GARRE1: variants seen among roughly 807,000 people sequenced by gnomAD.
GARRE1 encodes the protein granule associated Rac and RHOG effector protein 1.
GARRE1 carries 49 observed loss-of-function variants against 103.2 expected under a neutral mutation model. The ratio of observed to expected loss-of-function variants is 0.47; its 90% CI spans 0.38 to 0.60. The LOEUF (loss-of-function observed/expected upper bound fraction) is 0.60. Ranked by LOEUF, GARRE1 falls within the 20% of genes least tolerant of loss-of-function variation. The pLI is 0.00. For missense variants in GARRE1, 1,199 were observed against 1,370.5 expected, an observed-to-expected ratio of 0.87 and a Z score of 1.98; for synonymous variants, 505 against 532.8, an observed-to-expected ratio of 0.95 and a Z score of 0.72.
intron 1 of GARRE1, among the ~76,000 whole-genome samples, chr19:34,290,719 C>T (rs895758695): frequency 6.6e-6 from 1 of 151,840 alleles, no homozygotes; most frequent in African/African-American, 2.4e-5. Context: ...GAACTCCTGG[C>T]CTCAAATGAT....
chr19:34,261,038 C>G (rs2073714448), intron 1 of GARRE1, among the ~76,000 whole-genome samples: 1 of 152,206 alleles, frequency 6.6e-6, no homozygotes, highest in Non-Finnish European at 1.5e-5. Context: ...GCCATCTGCA[C>G]TAACACACAG....
intron 2 of GARRE1, among the ~76,000 whole-genome samples, chr19:34,302,336 A>C (rs2073984540): frequency 8.3e-6 from 1 of 119,928 alleles, no homozygotes; most frequent in Non-Finnish European, 1.6e-5. Flanking sequence ...ACTCTGTCAC[A>C]CAAGCTGGAG....
At chr19:34,331,607 C>T (rs2074138233) in intron 7 of GARRE1, among the ~76,000 whole-genome samples, 1 of 152,084 alleles carries the variant, frequency 6.6e-6, no homozygotes, top group African/African-American at 2.4e-5. Context: ...AGGAGATCAA[C>T]ATCTGAAATC....
intron 10 of GARRE1, among the ~76,000 whole-genome samples, chr19:34,346,589 T>TG (rs2074212221): frequency 6.6e-6 from 1 of 152,328 alleles, no homozygotes; most frequent in African/African-American, 2.4e-5. Flanking sequence ...TGTTAGCTAA[T>TG]GACTCTAGGC....
At chr19:34,305,016 TCTC>T (rs2074001185) in intron 2 of GARRE1, among the ~76,000 whole-genome samples, 1 of 151,932 alleles carries the variant, frequency 6.6e-6, no homozygotes, top group South Asian at 2.1e-4. Flanking sequence ...ATGGTCTTGA[TCTC>T]CTGACCTCGG....
chr19:34,314,238 T>A (rs2074049724), intron 2 of GARRE1, among the ~76,000 whole-genome samples: 1 of 152,298 alleles, frequency 6.6e-6, no homozygotes, highest in Middle Eastern at 3.4e-3. Context: ...TATAGCAGTG[T>A]AGCTGCTATA....
intron 10 of GARRE1, among the ~76,000 whole-genome samples, chr19:34,342,700 A>AAG (rs1204493044): frequency 2.0e-5 from 3 of 152,204 alleles, no homozygotes; most frequent in African/African-American, 7.2e-5. Context: ...AACTGAGGCT[A>AAG]AGAGAGGTTA....
In GARRE1 at chr19:34,319,987, G is replaced by C; in HGVS notation, c.576G>C (p.Val192=). The C allele has an allele frequency of 6.2e-7, 1 of 1,614,236 alleles. No homozygotes were observed. Among genetic ancestry groups the C allele is most frequent in the East Asian group, 2.2e-5 (1 of 44,890 alleles). ...LTHALQKVQP[V]AHSCFAEVIV... is the part of the protein sequence containing the mutation. ...ATGCGTTACAGAAGGTCCAGCCGGT[G>C]GCTCACTCTTGCTTTGCTGAGGTCA... The change falls in exon 3 of 14, where the codon GTG becomes GTC. Residue 192 remains valine, a synonymous_variant. Coordinates refer to ENST00000299505, the MANE Select transcript of GARRE1 (RefSeq NM_014686.5).
intron 1 of GARRE1, among the ~76,000 whole-genome samples, chr19:34,258,595 T>C (rs1432159923): frequency 1.3e-5 from 2 of 151,652 alleles, no homozygotes; most frequent in Non-Finnish European, 2.9e-5. Context: ...CCATCTTGGC[T>C]AACATGGTGA....
At chr19:34,339,165 C>T (rs554561587) in intron 8 of GARRE1, among the ~76,000 whole-genome samples, 36 of 152,198 alleles carry the variant, frequency 2.4e-4, no homozygotes, top group South Asian at 1.0e-3. Flanking sequence ...TAGCACAGAC[C>T]GCACAGGTTA....
chr19:34,328,269 C>CA, intron 6 of GARRE1, 118 bp downstream of exon 6: 1 of 1,133,530 alleles, frequency 8.8e-7, no homozygotes, highest in South Asian at 1.5e-5. Flanking sequence ...GGCGTGGTGG[C>CA]TCACGCCTGT....
At chr19:34,329,015 TAAATA>T (rs2074125565) in intron 6 of GARRE1, among the ~76,000 whole-genome samples, 2 of 152,346 alleles carry the variant, frequency 1.3e-5, no homozygotes, top group South Asian at 4.1e-4. Flanking sequence ...TTGTATGAAT[TAAATA>T]AGAAGAGAGA....
chr19:34,338,276 C>T (rs962666346), intron 8 of GARRE1, among the ~76,000 whole-genome samples: 1 of 152,082 alleles, frequency 6.6e-6, no homozygotes, highest in Admixed American at 6.6e-5. Flanking sequence ...TGGCTCACAC[C>T]CGTAATCCTA....
chr19:34,341,867 G>A lies in GARRE1; in HGVS notation c.1933G>A (p.Glu645Lys). The change falls in exon 10 of 14, where the codon GAA becomes AAA. Residue 645 changes from glutamate (E) to lysine (K), a missense_variant. Physicochemically the swap from Glu to Lys is moderately conservative, Grantham distance 56 (BLOSUM62 1). Transcript: ENST00000299505. ...GGGTATGAACTTACCAACTGATCAG[G>A]AAATGCAAGAGGTGATAGATTTTCT... is the stretch of plus-strand genomic sequence containing the variant. ...EKGMNLPTDQ[E>K]MQEVIDFLSG... 1 of 1,614,170 alleles carries A rather than the reference G, an allele frequency of 6.2e-7. No individual in the cohort carries two copies. The highest frequency in any genetic ancestry group is 8.5e-7 in the Non-Finnish European group (1 of 1,180,032).
chr19:34,331,814 C>T (rs886403031), intron 7 of GARRE1, among the ~76,000 whole-genome samples: 9 of 151,816 alleles, frequency 5.9e-5, no homozygotes, highest in Admixed American at 1.3e-4. Context: ...GCCAATATGG[C>T]GAAACCTCGT....
chr19:34,351,642 G>A (rs1256540612), intron 13 of GARRE1, 50 bp downstream of exon 13: 3 of 1,334,872 alleles, frequency 2.2e-6, no homozygotes, highest in Admixed American at 3.5e-5. Context: ...TTCCACAGCT[G>A]CAGTTTTCAG....
At chr19:34,315,915 TC>T (rs1408134159) in intron 2 of GARRE1, among the ~76,000 whole-genome samples, 1 of 152,174 alleles carries the variant, frequency 6.6e-6, no homozygotes, top group Non-Finnish European at 1.5e-5. Context: ...ACCCTTCTCC[TC>T]CACCATCAAG....
intron 2 of GARRE1, among the ~76,000 whole-genome samples, chr19:34,314,793 T>TA (rs2145254925): frequency 6.6e-6 from 1 of 152,322 alleles, no homozygotes; most frequent in African/African-American, 2.4e-5. Context: ...GCCTGTTTCT[T>TA]ACATTTTTCT....
intron 1 of GARRE1, among the ~76,000 whole-genome samples, chr19:34,256,519 CA>C (rs573908708): frequency 0.013 from 1,350 of 106,624 alleles, 13 homozygotes; most frequent in Middle Eastern, 0.035. Context: ...GACTCCATCT[CA>C]AAAAAAAAAA....
Sources: gnomAD v4.1 joint callset for allele counts (sites outside exome capture counted in the v4.1 genomes callset) on GRCh38, gnomAD v4.1.1 for gene constraint, MANE v1.5 for transcripts, NCBI Gene and HGNC (gene_info 2026-07-23, HGNC 2026-07-21) for gene names.